Variants in HMCN1 observed in about 807,000 individuals in gnomAD.
HMCN1 encodes the protein hemicentin-1.
Under a neutral mutation model 625.9 loss-of-function variants are expected in HMCN1, and 321 were observed. That is an observed-to-expected ratio of 0.51 (90% CI 0.47 to 0.56). The LOEUF (loss-of-function observed/expected upper bound fraction) is 0.56, where lower values mean the gene tolerates loss of function less well. Ranked by LOEUF, HMCN1 falls within the 20% of genes least tolerant of loss-of-function variation. The pLI is 0.00. For synonymous variants in HMCN1, 2,425 were observed against 2,417.6 expected (o/e 1.00, Z -0.09); for missense variants, 6,588 against 6,887.3 (o/e 0.96, Z 1.54).
In HMCN1 at chr1:186,048,659, TAAG is replaced by T. The variant is rs1196461256; in HGVS notation, c.6481-81_6481-79del. On this transcript the variant is annotated intron_variant, in intron 41 of 106. Coordinates refer to ENST00000271588, the MANE Select transcript of HMCN1 (RefSeq NM_031935.3). ...TGTATGTGAATCTTCAGAATAAAAA[TAAG>T]AAATAGATCACAAATAGTATTAATT... The T allele has an allele frequency of 4.3e-5, 36 of 835,638 alleles. 1 individual carries two copies. The African/African-American group carries it at 5.1e-4, about 12-fold the overall frequency. 51.8% of individuals were successfully genotyped at this position (835,638 alleles called of 1,614,324 possible). A position where few individuals can be genotyped will look rare whatever the true frequency, so the allele number is the denominator to read the frequency against.
At chr1:185,870,765 A>G (rs1385576020) in intron 4 of HMCN1, among the ~76,000 whole-genome samples, 1 of 152,208 alleles carries the variant, frequency 6.6e-6, no homozygotes, top group Non-Finnish European at 1.5e-5. Flanking sequence ...ATAGCATTTC[A>G]ATAAATAATT....
At chr1:185,774,095 G>A (rs1333542463) in intron 1 of HMCN1, among the ~76,000 whole-genome samples, 2 of 152,106 alleles carry the variant, frequency 1.3e-5, no homozygotes, top group African/African-American at 4.8e-5. Context: ...ATAATTACTA[G>A]GATGTAGATG....
At chr1:186,087,391 A>G in intron 59 of HMCN1, 52 bp from the exon 60 acceptor site, 3 of 1,600,420 alleles carry the variant, frequency 1.9e-6, no homozygotes, top group Non-Finnish European at 2.6e-6. Flanking sequence ...AATATTTTCT[A>G]TCTGAGCACC....
intron 11 of HMCN1, 22 bp from the exon 12 acceptor site, chr1:185,962,496 A>G (rs1345535187): frequency 1.2e-6 from 2 of 1,606,380 alleles, no homozygotes; most frequent in Admixed American, 1.7e-5. Context: ...ATTTTTCTAC[A>G]TACGTATATT....
chr1:185,788,923 T>A (rs566750383), intron 1 of HMCN1, among the ~76,000 whole-genome samples: 1 of 152,318 alleles, frequency 6.6e-6, no homozygotes, highest in South Asian at 2.1e-4. Flanking sequence ...AGTAACAAAT[T>A]CAAAACATTT....
chr1:185,977,744 A>G, intron 15 of HMCN1, 43 bp from the exon 16 acceptor site: 2 of 1,201,234 alleles, frequency 1.7e-6, no homozygotes, highest in Non-Finnish European at 2.5e-6. Flanking sequence ...ATATGCCTGT[A>G]TAATATACCG....
In HMCN1 at chr1:186,006,629, A is replaced by G. The variant is rs145124755; in HGVS notation, c.4476-499A>G. Among the ~76,000 whole-genome samples, 34 of 151,980 alleles carry G rather than the reference A, an allele frequency of 2.2e-4. 2 individuals are homozygous for G. In the East Asian group the frequency reaches 6.0e-3, roughly 27 times the overall value. On this transcript the variant is annotated intron_variant, in intron 29 of 106. Transcript: ENST00000271588. The stretch of plus-strand genomic sequence containing the variant: ...AATACTTATTTTTAGAGAAGTTGGT[A>G]TGATTATTGCCTTTAGTAAAAATAA...
intron 81 of HMCN1, among the ~76,000 whole-genome samples, chr1:186,124,854 C>T (rs1426165955): frequency 6.6e-6 from 1 of 151,896 alleles, no homozygotes; most frequent in Non-Finnish European, 1.5e-5. Flanking sequence ...TACTTTTGAA[C>T]CGAGAATTCT....
intron 82 of HMCN1, among the ~76,000 whole-genome samples, chr1:186,127,170 C>A (rs754603082): frequency 2.6e-5 from 4 of 151,912 alleles, no homozygotes; most frequent in Non-Finnish European, 5.9e-5. Context: ...ACAGGTGGTA[C>A]AGGAAGGGGC....
Position 186,125,784 on chromosome 1 carries a change from A to G in HMCN1, c.12680A>G (p.Glu4227Gly), listed in dbSNP as rs768382813. The change falls in exon 82 of 107, where the codon GAA (glutamate) becomes GGA (glycine). Residue 4227 changes from glutamate (E) to glycine (G), a missense_variant. By Grantham distance (98) the Glu-to-Gly change is moderately conservative. Transcript: ENST00000271588. ...TAEPYGELIL[E>G]NVVLEDSGFY... Reference sequence around the variant, plus strand: ...GAACCATATGGAGAACTCATTTTAGAAAATGTTGTGGTAAGTTTAATGGAC... The same window carrying G: ...GAACCATATGGAGAACTCATTTTAGGAAATGTTGTGGTAAGTTTAATGGAC... 1.7e-5 allele frequency: 28 copies of G among 1,612,678 alleles called. No individual in the cohort carries two copies. Among genetic ancestry groups the G allele is most frequent in the Non-Finnish European group, 2.4e-5 (28 of 1,178,954 alleles).
At chr1:186,179,737 A>C (rs1231843919) in intron 104 of HMCN1, among the ~76,000 whole-genome samples, 2 of 151,596 alleles carry the variant, frequency 1.3e-5, no homozygotes, top group Admixed American at 6.6e-5. Context: ...AACATTTTTT[A>C]AACATTTCTT....
chr1:185,949,014 G>A (rs1413433785), intron 11 of HMCN1, among the ~76,000 whole-genome samples: 5 of 151,784 alleles, frequency 3.3e-5, no homozygotes, highest in Non-Finnish European at 7.3e-5. Context: ...GAAACTAAAT[G>A]GAATAACAGA....
At chr1:185,804,117 A>G (rs368814209) in intron 1 of HMCN1, among the ~76,000 whole-genome samples, 1 of 152,010 alleles carries the variant, frequency 6.6e-6, no homozygotes, top group African/African-American at 2.4e-5. Context: ...ATTTTTTTAA[A>G]ATTTTCATTT....
intron 1 of HMCN1, among the ~76,000 whole-genome samples, chr1:185,820,947 G>A (rs1660146336): frequency 6.6e-6 from 1 of 151,864 alleles, no homozygotes; most frequent in South Asian, 2.1e-4. Flanking sequence ...ACATTTTCTT[G>A]ATGAGTTCTA....
rs192498439 is a variant in HMCN1, at chr1:185,948,911, T to G, written c.1829-13607T>G. On this transcript the variant is annotated intron_variant, in intron 11 of 106. Coordinates refer to ENST00000271588, the MANE Select transcript of HMCN1 (RefSeq NM_031935.3). ...GAGAGATTAAGCTGAAGGGAGGTCTTGTGGTAAGGGGTGATATTGTGGGGT... is the reference window on the plus strand; with the variant it reads ...GAGAGATTAAGCTGAAGGGAGGTCTGGTGGTAAGGGGTGATATTGTGGGGT... Among the ~76,000 whole-genome samples, 1,452 of 150,592 alleles carry G rather than the reference T, an allele frequency of 9.6e-3. 27 individuals are homozygous for G. The highest frequency in any genetic ancestry group is 0.031 in the African/African-American group (1,271 of 40,594).
rs187366900 is a variant in HMCN1, at chr1:186,111,125, C to T, written c.10990-1687C>T. ...CCTCCCAAGTAGCTGGGACTACAGG[C>T]ACCCACCACCAGGCCCGGCTACTTT... On this transcript the variant is annotated intron_variant, in intron 71 of 106. Transcript: ENST00000271588. Among the ~76,000 whole-genome samples the T allele has an allele frequency of 3.3e-5, 5 of 150,852 alleles. No individual in the cohort carries two copies. In the East Asian group the frequency reaches 9.8e-4, roughly 30 times the overall value.
At chr1:185,794,386 C>T (rs1658218073) in intron 1 of HMCN1, among the ~76,000 whole-genome samples, 1 of 149,694 alleles carries the variant, frequency 6.7e-6, no homozygotes, top group Admixed American at 6.7e-5. Context: ...AGTATTAACT[C>T]ATACAATCAC....
chr1:185,856,218 G>A (rs1325088806), intron 2 of HMCN1, among the ~76,000 whole-genome samples: 4 of 152,188 alleles, frequency 2.6e-5, no homozygotes, highest in African/African-American at 9.7e-5. Flanking sequence ...ACTAGGCGTG[G>A]TGGCTCACGC....
At position 186,062,587 on chromosome 1, in the gene HMCN1, T is replaced by A. The variant is rs764468774; in HGVS notation, c.7500T>A (p.Thr2500=). The change falls in exon 48 of 107, where the codon ACT becomes ACA. Residue 2500 remains threonine (T), a synonymous_variant. Transcript: ENST00000271588. ...KVKEKQSVTL[T]CEVTGNPVPE... ...AAGAGAAACAGAGTGTTACGCTGAC[T>A]TGTGAAGTGACAGGTATGGGCTCAG... 4.3e-6 allele frequency: 7 copies of A among 1,610,390 alleles called. No individual in the cohort carries two copies. In the Admixed American group the frequency reaches 1.2e-4, roughly 27 times the overall value.
Sources: gnomAD v4.1 joint callset for allele counts (sites outside exome capture counted in the v4.1 genomes callset) on GRCh38, gnomAD v4.1.1 for gene constraint, MANE v1.5 for transcripts, NCBI Gene and HGNC (gene_info 2026-07-23, HGNC 2026-07-21) for gene names.